The following SULF2 variants were observed in gnomAD, a reference collection of about 807,000 sequenced individuals.
The protein encoded by SULF2 is extracellular sulfatase Sulf-2.
A neutral mutation model predicts 107.7 loss-of-function variants in SULF2; 52 were observed. The ratio of observed to expected loss-of-function variants is 0.48; its 90% CI spans 0.39 to 0.61. The LOEUF is 0.61. Ranked by LOEUF, SULF2 falls within the 20% of genes least tolerant of loss-of-function variation. The pLI, the probability that SULF2 is intolerant of heterozygous loss-of-function variation, is 0.00. For synonymous variants in SULF2, 460 were observed against 464.3 expected (o/e 0.99, Z 0.12); for missense variants, 993 against 1,177.3 (o/e 0.84, Z 2.29).
At chr20:47,708,492 T>G (rs1158084196) in intron 3 of SULF2, among the ~76,000 whole-genome samples, 1 of 152,162 alleles carries the variant, frequency 6.6e-6, no homozygotes, top group Non-Finnish European at 1.5e-5. Context: ...AGATTTTGCC[T>G]TTTGTGCATT....
At chr20:47,719,342 T>TG (rs1412748465) in intron 3 of SULF2, among the ~76,000 whole-genome samples, 1 of 152,222 alleles carries the variant, frequency 6.6e-6, no homozygotes, top group Non-Finnish European at 1.5e-5. Context: ...CCAGGTGGTG[T>TG]GTGACTTCTG....
At position 47,702,577 on chromosome 20, in the gene SULF2, T is replaced by C. The variant is rs768308355; in HGVS notation, c.509A>G (p.Tyr170Cys). 5 of 1,613,452 alleles carry C rather than the reference T, an allele frequency of 3.1e-6. No homozygotes were observed. The highest frequency in any genetic ancestry group is 3.3e-5 in the Admixed American group (2 of 60,002). ...CCCGTTCCGACACAGCGTGTAGTTA[T>C]AAAAGCGGGAGTTTTTAAGGAGTCC... ...WVGLLKNSRF[Y>C]NYTLCRNGVK... Residue 170 changes from tyrosine (Y) to cysteine (C), a missense_variant, in exon 4 of 21, where the codon TAT (tyrosine) becomes TGT (cysteine). Physicochemically the swap from Tyr to Cys is radical, Grantham distance 194. This residue lies in a region of SULF2 where 388 missense variants were observed against 449.2 expected (regional missense o/e 0.86). Transcript: ENST00000688720.
intron 1 of SULF2, among the ~76,000 whole-genome samples, chr20:47,780,015 C>CTTTTT (rs74178766): frequency 2.1e-4 from 25 of 120,458 alleles, no homozygotes; most frequent in South Asian, 8.4e-4. Flanking sequence ...CCCTAGTTGA[C>CTTTTT]TTTTTTTTTT....
chr20:47,755,137 A>T (rs1188176842), intron 2 of SULF2, among the ~76,000 whole-genome samples: 2 of 152,188 alleles, frequency 1.3e-5, no homozygotes, highest in Admixed American at 6.5e-5. Context: ...AGCTCAAATC[A>T]TGTTTAATCA....
chr20:47,755,881 G>A (rs188611113), intron 2 of SULF2, among the ~76,000 whole-genome samples: 9 of 149,848 alleles, frequency 6.0e-5, no homozygotes, highest in African/African-American at 1.7e-4. Context: ...TCTCCATCAC[G>A]GCCCCAGCTC....
chr20:47,705,997 T>C (rs2088725068), intron 3 of SULF2, among the ~76,000 whole-genome samples: 1 of 151,738 alleles, frequency 6.6e-6, no homozygotes, highest in African/African-American at 2.4e-5. Context: ...TGAGGTTTCA[T>C]CATGTTGGCC....
intron 2 of SULF2, among the ~76,000 whole-genome samples, chr20:47,738,650 G>A (rs1359690270): frequency 6.6e-6 from 1 of 152,138 alleles, no homozygotes; most frequent in East Asian, 1.9e-4. Context: ...AGATTTGATG[G>A]TTTTATAAAG....
chr20:47,705,804 C>CTTTTTT (rs34029135), intron 3 of SULF2, among the ~76,000 whole-genome samples: 1 of 137,536 alleles, frequency 7.3e-6, no homozygotes, highest in Non-Finnish European at 1.6e-5. Flanking sequence ...CTTTTCTTTT[C>CTTTTTT]TTTTTTTTTT....
At chr20:47,759,648 T>C (rs554702437) in intron 1 of SULF2, among the ~76,000 whole-genome samples, 9 of 152,144 alleles carry the variant, frequency 5.9e-5, no homozygotes, top group Non-Finnish European at 1.2e-4. Context: ...GCCGAGATCA[T>C]GTCATTGCAC....
At position 47,770,053 on chromosome 20, in the gene SULF2, GTTTTTTTTT is replaced by G. The variant is rs56786760; in HGVS notation, c.-100-12599_-100-12591del. ...CTTGCGGGTGATGTGATCTGGTGTAGTTTTTTTTTTTTTTTTTTTTTTTTTGAGACAGAG... is the reference window on the plus strand; with the variant it reads ...CTTGCGGGTGATGTGATCTGGTGTAGTTTTTTTTTTTTTTTTGAGACAGAG... On this transcript the variant is annotated intron_variant, in intron 1 of 20. Coordinates refer to ENST00000688720, the MANE Select transcript of SULF2 (RefSeq NM_001387048.1). Among the ~76,000 whole-genome samples the G allele has an allele frequency of 2.9e-4, 18 of 63,082 alleles. 1 individual carries two copies. The highest frequency in any genetic ancestry group is 6.6e-4 in the Admixed American group (3 of 4,570). 41.4% of individuals were successfully genotyped at this position (63,082 alleles called of 152,430 possible).
intron 1 of SULF2, among the ~76,000 whole-genome samples, chr20:47,782,479 C>T (rs934026962): frequency 1.3e-5 from 2 of 152,202 alleles, no homozygotes; most frequent in African/African-American, 4.8e-5. Flanking sequence ...GGCCCCCTCA[C>T]CTGCAGATCA....
intron 2 of SULF2, among the ~76,000 whole-genome samples, chr20:47,749,630 G>A (rs915952033): frequency 2.6e-5 from 4 of 152,242 alleles, no homozygotes; most frequent in African/African-American, 9.6e-5. Context: ...TGATCTCCTG[G>A]ATATCAGGCT....
rs749158656 is a variant in SULF2, at chr20:47,665,892, C to T, written c.1867G>A (p.Ala623Thr). The change falls in exon 13 of 21, where the codon GCC becomes ACC. Residue 623 changes from alanine to threonine, a missense_variant. Ala to Thr is a moderately conservative substitution (Grantham distance 58). Around this residue, in one of 3 missense-constraint regions of SULF2, gnomAD observed 497 missense variants for 544.1 expected, o/e 0.91. Coordinates refer to ENST00000688720, the MANE Select transcript of SULF2 (RefSeq NM_001387048.1). ...ATGTGCAGCTTGTGGTCTTTCCAGG[C>T]CTGCAGGGACTTGTACAGGTCCAGG... The part of the protein sequence containing the change: ...CDLDLYKSLQ[A>T]WKDHKLHIDH... 6.2e-7 allele frequency: 1 copy of T among 1,614,096 alleles called. No individual in the cohort carries two copies. The highest frequency in any genetic ancestry group is 1.1e-5 in the South Asian group (1 of 91,090).
At chr20:47,756,516 A>G (rs1451084651) in intron 2 of SULF2, among the ~76,000 whole-genome samples, 1 of 152,172 alleles carries the variant, frequency 6.6e-6, no homozygotes, top group Non-Finnish European at 1.5e-5. Context: ...ATTTGTTGCC[A>G]CCAACAACAC....
At position 47,734,601 on chromosome 20, in the gene SULF2, T is replaced by C. The variant is rs978795534; in HGVS notation, c.415+2102A>G. The stretch of plus-strand genomic sequence containing the variant: ...AAAGAGGGAAACTATACAGGGTATG[T>C]GGCTCTTATTATGTAATAACAAGGA... On this transcript the variant is annotated intron_variant, in intron 3 of 20. Transcript: ENST00000688720. Among the ~76,000 whole-genome samples the C allele has an allele frequency of 3.3e-5, 5 of 152,350 alleles. No individual in the cohort carries two copies. In the South Asian group the frequency reaches 1.0e-3, roughly 32 times the overall value.
At chr20:47,703,915 A>G (rs2088646771) in intron 3 of SULF2, among the ~76,000 whole-genome samples, 1 of 152,252 alleles carries the variant, frequency 6.6e-6, no homozygotes, top group African/African-American at 2.4e-5. Flanking sequence ...ATACAAAAGA[A>G]TACATGCCAT....
intron 4 of SULF2, among the ~76,000 whole-genome samples, chr20:47,695,252 CAT>C (rs1049048051): frequency 7.2e-5 from 11 of 151,996 alleles, no homozygotes; most frequent in African/African-American, 1.2e-4. Context: ...GTATTTTTCA[CAT>C]GTCATGAAAA....
At position 47,724,972 on chromosome 20, in the gene SULF2, C is replaced by A. The variant is rs371910888; in HGVS notation, c.415+11731G>T. On this transcript the variant is annotated intron_variant, in intron 3 of 20. Transcript: ENST00000688720. ...CAAAATCAATATAATGCTCTAACTG[C>A]AATCTACAGGGAAAATAAAAGGAAA... Among the ~76,000 whole-genome samples the A allele has an allele frequency of 1.2e-4, 19 of 152,266 alleles. No homozygotes were observed. In the South Asian group the frequency reaches 1.4e-3, roughly 12 times the overall value.
chr20:47,730,776 G>A (rs867871665), intron 3 of SULF2, among the ~76,000 whole-genome samples: 1 of 151,492 alleles, frequency 6.6e-6, no homozygotes, highest in African/African-American at 2.4e-5. Context: ...TTTGTTTTTT[G>A]TTTGCCAAAG....
Sources: gnomAD v4.1 joint callset for allele counts (sites outside exome capture counted in the v4.1 genomes callset) on GRCh38, gnomAD v4.1.1 for gene constraint, gnomAD v4.1.1 regional missense constraint, MANE v1.5 for transcripts, NCBI Gene and HGNC (gene_info 2026-07-23, HGNC 2026-07-21) for gene names.